Variants in TMEM151A observed in about 807,000 individuals in gnomAD.
The protein encoded by TMEM151A is transmembrane protein 151.
TMEM151A carries 21 observed loss-of-function variants against 33.7 expected under a neutral mutation model. That is an observed-to-expected ratio of 0.62 (90% CI 0.44 to 0.90). The LOEUF is 0.90. Ranked by LOEUF, TMEM151A falls within the 40% of genes least tolerant of loss-of-function variation. TMEM151A has a pLI of 0.00. For missense variants in TMEM151A, 704 were observed against 697.7 expected, an observed-to-expected ratio of 1.01 and a Z score of -0.10; for synonymous variants, 374 against 330.3, an observed-to-expected ratio of 1.13 and a Z score of -1.43.
In TMEM151A at chr11:66,294,609, C is replaced by T. The variant is rs1186614404; in HGVS notation, c.363C>T (p.His121=). ...LLYLAECWHC[H]VRSCQAPRTD... is the part of the protein sequence containing the mutation. ...ACCTGGCTGAGTGCTGGCACTGTCA[C>T]GTGCGGTCCTGCCAGGCGCCACGCA... is the stretch of plus-strand genomic sequence containing the variant. Residue 121 remains histidine (H), a synonymous_variant, in exon 2 of 2, where the codon CAC becomes CAT. Coordinates refer to ENST00000327259, the MANE Select transcript of TMEM151A (RefSeq NM_153266.4). 1.2e-6 allele frequency: 2 copies of T among 1,612,574 alleles called. No homozygotes were observed. Among genetic ancestry groups the T allele is most frequent in the African/African-American group, 2.7e-5 (2 of 74,916 alleles).
At position 66,295,305 on chromosome 11, in the gene TMEM151A, C is replaced by A; in HGVS notation, c.1059C>A (p.Asn353Lys). 6.3e-7 allele frequency: 1 copy of A among 1,584,236 alleles called. No individual in the cohort carries two copies. The highest frequency in any genetic ancestry group is 8.6e-7 in the Non-Finnish European group (1 of 1,165,908). Residue 353 changes from asparagine (N) to lysine (K), a missense_variant, in exon 2 of 2, where the codon AAC becomes AAA. Transcript: ENST00000327259. ...FTELEWHICS[N>K]RQLVPSYSEA... ...AGCTCGAGTGGCACATCTGCTCCAA[C>A]CGGCAGCTGGTGCCCAGCTACTCGG... is the stretch of plus-strand genomic sequence containing the variant.
chr11:66,294,567 C>A lies in TMEM151A; in HGVS notation c.321C>A (p.Ser107=). Residue 107 remains serine (S), a synonymous_variant, in exon 2 of 2, where the codon TCC becomes TCA. Transcript: ENST00000327259. ...TGTACATCCCGCTGGCCTTCGTCTC[C>A]CTCCTCTACCTCCTCTACCTGGCTG... The part of the protein sequence containing the change: ...GYLYIPLAFV[S]LLYLLYLAEC... 1 of 1,612,548 alleles carries A rather than the reference C, an allele frequency of 6.2e-7. No individual in the cohort carries two copies.
rs1854319824 is a variant in TMEM151A, at chr11:66,296,274, G to C, written c.*621G>C. 6.5e-6 allele frequency: 1 copy of C among 153,618 alleles called. No homozygotes were observed. Among genetic ancestry groups the C allele is most frequent in the Non-Finnish European group, 1.5e-5 (1 of 68,736 alleles). 9.5% of individuals were successfully genotyped at this position (153,618 alleles called of 1,614,324 possible). A position where few individuals can be genotyped will look rare whatever the true frequency, so the allele number is the denominator to read the frequency against. ...CCCTACAACCTGGGGTTCCTTCTCA[G>C]GGCCTCACCTGGTCCCCACATCCCC... On this transcript the variant is annotated 3_prime_UTR_variant, in exon 2 of 2. Transcript: ENST00000327259.
Position 66,294,485 on chromosome 11 carries a change from G to C in TMEM151A, c.239G>C (p.Arg80Pro). 2 of 1,603,058 alleles carry C rather than the reference G, an allele frequency of 1.2e-6. No individual in the cohort carries two copies. Among genetic ancestry groups the C allele is most frequent in the Non-Finnish European group, 1.7e-6 (2 of 1,174,774 alleles). ...CTGGGGCCCGAGGCCGCCTTGGCCC[G>C]GGGAGCCGGGGGCCCGCCACCGACC... ...LVLGPEAALA[R>P]GAGGPPPTYP... Residue 80 changes from arginine (R) to proline (P), a missense_variant, in exon 2 of 2, where the codon CGG becomes CCG. By Grantham distance (103) the Arg-to-Pro change is moderately radical. Around this residue, in one of 3 missense-constraint regions of TMEM151A, gnomAD observed 301 missense variants for 323.4 expected, o/e 0.93. Coordinates refer to ENST00000327259, the MANE Select transcript of TMEM151A (RefSeq NM_153266.4).
Position 66,294,588 on chromosome 11 carries a change from G to A in TMEM151A, c.342G>A (p.Leu114=). 6.2e-7 allele frequency: 1 copy of A among 1,612,960 alleles called. No individual in the cohort carries two copies. The highest frequency in any genetic ancestry group is 1.1e-5 in the South Asian group (1 of 91,058). ...TCTCCCTCCTCTACCTCCTCTACCT[G>A]GCTGAGTGCTGGCACTGTCACGTGC... is the stretch of plus-strand genomic sequence containing the variant. ...AFVSLLYLLY[L]AECWHCHVRS... Residue 114 remains leucine (L), a synonymous_variant, in exon 2 of 2, where the codon CTG becomes CTA. Transcript: ENST00000327259.
In TMEM151A at chr11:66,295,440, C is replaced by G. The variant is rs1857508157; in HGVS notation, c.1194C>G (p.Arg398=). 2.0e-6 allele frequency: 3 copies of G among 1,465,496 alleles called. No individual in the cohort carries two copies. The highest frequency in any genetic ancestry group is 2.7e-6 in the Non-Finnish European group (3 of 1,110,536). 90.8% of individuals were successfully genotyped at this position (1,465,496 alleles called of 1,614,324 possible). A position where few individuals can be genotyped will look rare whatever the true frequency, so the allele number is the denominator to read the frequency against. The change falls in exon 2 of 2, where the codon CGC becomes CGG. Residue 398 remains arginine (R), a synonymous_variant. Transcript: ENST00000327259. ...CCCCCGCCCGGCCCAGCGGGCCCCG[C>G]CTGCCCTTCAGCCGCAGCCGCCTCT... ...SLPPARPSGP[R]LPFSRSRLSL...
Position 66,295,172 on chromosome 11 carries a change from C to T in TMEM151A, c.926C>T (p.Ala309Val). ...CGCGTCGTGGCCGCCTATGGCACGG[C>T]TCACGTGCACTACCAGGTGGAGAAG... is the stretch of plus-strand genomic sequence containing the variant. ...PLRVVAAYGT[A>V]HVHYQVEKLF... Residue 309 changes from alanine (A) to valine (V), a missense_variant, in exon 2 of 2, where the codon GCT (alanine) becomes GTT (valine). Physicochemically the swap from Ala to Val is moderately conservative, Grantham distance 64. Around this residue, in one of 3 missense-constraint regions of TMEM151A, gnomAD observed 398 missense variants for 356.0 expected, o/e 1.12. Transcript: ENST00000327259. The T allele has an allele frequency of 6.3e-7, 1 of 1,586,242 alleles. No individual in the cohort carries two copies. The highest frequency in any genetic ancestry group is 8.5e-7 in the Non-Finnish European group (1 of 1,170,372).
In TMEM151A at chr11:66,295,667, C is replaced by T. The variant is rs1386871652; in HGVS notation, c.*14C>T. The stretch of plus-strand genomic sequence containing the variant: ...GGTGCTCTCTGAGACCCCCCACGGC[C>T]CCCAGAGTGGCCCCCTCCCCACCAT... On this transcript the variant is annotated 3_prime_UTR_variant, in exon 2 of 2. Transcript: ENST00000327259. 27 of 1,476,766 alleles carry T rather than the reference C, an allele frequency of 1.8e-5. No individual in the cohort carries two copies. The highest frequency in any genetic ancestry group is 2.5e-5 in the Admixed American group (1 of 40,096). The allele number at this position is 1,476,766 out of a possible 1,614,324, so 91.5% of individuals were successfully genotyped here. A position where few individuals can be genotyped will look rare whatever the true frequency, so the allele number is the denominator to read the frequency against.
In TMEM151A at chr11:66,294,280, G is replaced by C. The variant is rs781740439; in HGVS notation, c.76-42G>C. ...AGCAAAGTGGCAGGCCCCACTGATG[G>C]CCCCACCTGACACAGACTTCCCTTT... is the stretch of plus-strand genomic sequence containing the variant. On this transcript the variant is annotated intron_variant, in intron 1 of 1. Coordinates refer to ENST00000327259, the MANE Select transcript of TMEM151A (RefSeq NM_153266.4). 3 of 1,593,094 alleles carry C rather than the reference G, an allele frequency of 1.9e-6. No individual in the cohort carries two copies. In the African/African-American group the frequency reaches 4.0e-5, roughly 21 times the overall value.
Position 66,294,947 on chromosome 11 carries a change from C to A in TMEM151A, c.701C>A (p.Ser234Ter). 1.9e-6 allele frequency: 3 copies of A among 1,557,322 alleles called. No individual in the cohort carries two copies. Among genetic ancestry groups the A allele is most frequent in the East Asian group, 2.4e-5 (1 of 41,834 alleles). Residue 234 changes from serine to a stop codon, truncating the protein, a stop_gained, in exon 2 of 2, where the codon TCG (serine) becomes TAG (stop). Transcript: ENST00000327259. LOFTEE classifies it high-confidence loss of function. ...FSFGSAEAEA[S>*]YLTQRARFFS... ...TTCGGCAGCGCGGAGGCCGAGGCCT[C>A]GTACCTCACGCAGCGGGCGCGCTTC...
intron 1 of TMEM151A, among the ~76,000 whole-genome samples, chr11:66,293,078 G>T (rs953653215): frequency 2.0e-5 from 3 of 152,076 alleles, no homozygotes; most frequent in African/African-American, 7.3e-5. Context: ...GACAGGCGAG[G>T]GTCTGGAGTT....
intron 1 of TMEM151A, among the ~76,000 whole-genome samples, chr11:66,293,871 C>T (rs1857481013): frequency 2.0e-5 from 3 of 152,206 alleles, no homozygotes; most frequent in Admixed American, 6.5e-5. Flanking sequence ...AACTCCAAAG[C>T]CCATGCTGTT....
rs1483822468 is a variant in TMEM151A at position 66,295,382 on chromosome 11, G to A, written c.1136G>A (p.Arg379His). ...GGCGCCTACCTCAGAGGCTGCCAGC[G>A]CTGCCGCCGCTCTGTCAGCAGCAAC... The part of the protein sequence containing the change: ...GSGAYLRGCQ[R>H]CRRSVSSNSL... Residue 379 changes from arginine to histidine, a missense_variant, in exon 2 of 2, where the codon CGC (arginine) becomes CAC (histidine). Around this residue, in one of 3 missense-constraint regions of TMEM151A, gnomAD observed 398 missense variants for 356.0 expected, o/e 1.12. Transcript: ENST00000327259. 3.2e-6 allele frequency: 5 copies of A among 1,550,140 alleles called. No homozygotes were observed. Among genetic ancestry groups the A allele is most frequent in the South Asian group, 2.4e-5 (2 of 83,724 alleles).
Position 66,295,346 on chromosome 11 carries a change from G to A in TMEM151A, c.1100G>A (p.Gly367Asp). The A allele has an allele frequency of 6.3e-7, 1 of 1,583,360 alleles. No individual in the cohort carries two copies. Among genetic ancestry groups the A allele is most frequent in the Non-Finnish European group, 8.6e-7 (1 of 1,166,740 alleles). ...VPSYSEAVVMGAGSGAYLRGC... is the reference protein window; with the variant it reads ...VPSYSEAVVMDAGSGAYLRGC... Reference sequence around the variant, plus strand: ...AGCTACTCGGAGGCCGTGGTCATGGGCGCGGGCTCGGGCGCCTACCTCAGA... The same window carrying A: ...AGCTACTCGGAGGCCGTGGTCATGGACGCGGGCTCGGGCGCCTACCTCAGA... Residue 367 changes from glycine (G) to aspartate (D), a missense_variant, in exon 2 of 2, where the codon GGC (glycine) becomes GAC (aspartate). Around this residue, in one of 3 missense-constraint regions of TMEM151A, gnomAD observed 398 missense variants for 356.0 expected, o/e 1.12. Transcript: ENST00000327259.
rs1010442511 is a variant in TMEM151A at position 66,295,674 on chromosome 11, G to T, written c.*21G>T. 6.8e-7 allele frequency: 1 copy of T among 1,464,386 alleles called. No individual in the cohort carries two copies. Among genetic ancestry groups the T allele is most frequent in the Non-Finnish European group, 9.0e-7 (1 of 1,110,730 alleles). The allele number at this position is 1,464,386 out of a possible 1,614,324, so 90.7% of individuals were successfully genotyped here. On this transcript the variant is annotated 3_prime_UTR_variant, in exon 2 of 2. Coordinates refer to ENST00000327259, the MANE Select transcript of TMEM151A (RefSeq NM_153266.4). ...TCTGAGACCCCCCACGGCCCCCAGA[G>T]TGGCCCCCTCCCCACCATTCCACCA...
Position 66,295,356 on chromosome 11 carries a change from G to A in TMEM151A, c.1110G>A (p.Ser370=), listed in dbSNP as rs753519996. The A allele has an allele frequency of 2.5e-6, 4 of 1,577,606 alleles. No individual in the cohort carries two copies. The highest frequency in any genetic ancestry group is 1.2e-5 in the South Asian group (1 of 86,662). Residue 370 remains serine (S), a synonymous_variant, in exon 2 of 2, where the codon TCG becomes TCA. Transcript: ENST00000327259. ...YSEAVVMGAG[S]GAYLRGCQRC... ...AGGCCGTGGTCATGGGCGCGGGCTC[G>A]GGCGCCTACCTCAGAGGCTGCCAGC...
Position 66,292,257 on chromosome 11 carries a change from G to A in TMEM151A, c.75+169G>A, listed in dbSNP as rs1007022127. On this transcript the variant is annotated intron_variant, in intron 1 of 1. Coordinates refer to ENST00000327259, the MANE Select transcript of TMEM151A (RefSeq NM_153266.4). The surrounding 1 kb of genome is among the most constrained non-coding windows in gnomAD (Gnocchi z 4.7). The stretch of plus-strand genomic sequence containing the variant: ...CAAGGGTCCAGGGGCCCGCGTTGGG[G>A]GTAGGGGTGGGGCGGCTGGACAGCA... Among the ~76,000 whole-genome samples, 3 of 152,074 alleles carry A rather than the reference G, an allele frequency of 2.0e-5. No individual in the cohort carries two copies. The highest frequency in any genetic ancestry group is 7.2e-5 in the African/African-American group (3 of 41,430).
At position 66,295,740 on chromosome 11, in the gene TMEM151A, G is replaced by A. The variant is rs1857514239; in HGVS notation, c.*87G>A. The A allele has an allele frequency of 1.3e-5, 17 of 1,269,252 alleles. No individual in the cohort carries two copies. In the South Asian group the frequency reaches 3.6e-4, roughly 27 times the overall value. The allele number at this position is 1,269,252 out of a possible 1,614,324, so 78.6% of individuals were successfully genotyped here. On this transcript the variant is annotated 3_prime_UTR_variant, in exon 2 of 2. Transcript: ENST00000327259. The stretch of plus-strand genomic sequence containing the variant: ...GAGTGATTGTTGTCCAAAACAGGCG[G>A]GAAAACAGACCAGCCACACACAAGG...
rs757682578 is a variant in TMEM151A, at chr11:66,295,391, G to A, written c.1145G>A (p.Arg382His). 1.3e-6 allele frequency: 2 copies of A among 1,542,662 alleles called. No homozygotes were observed. The highest frequency in any genetic ancestry group is 1.7e-6 in the Non-Finnish European group (2 of 1,146,416). ...CTCAGAGGCTGCCAGCGCTGCCGCC[G>A]CTCTGTCAGCAGCAACTCGCTGCCC... ...AYLRGCQRCR[R>H]SVSSNSLPPA... Residue 382 changes from arginine (R) to histidine (H), a missense_variant, in exon 2 of 2, where the codon CGC (arginine) becomes CAC (histidine). Physicochemically the swap from Arg to His is conservative, Grantham distance 29 (BLOSUM62 0). This residue lies in a region of TMEM151A where 398 missense variants were observed against 356.0 expected (regional missense o/e 1.12). Coordinates refer to ENST00000327259, the MANE Select transcript of TMEM151A (RefSeq NM_153266.4).
Sources: gnomAD v4.1 joint callset for allele counts (sites outside exome capture counted in the v4.1 genomes callset) on GRCh38, gnomAD v4.1.1 for gene constraint, gnomAD v4.1.1 regional missense constraint, Gnocchi (gnomAD v3.1) non-coding constraint, MANE v1.5 for transcripts, NCBI Gene and HGNC (gene_info 2026-07-23, HGNC 2026-07-21) for gene names.